The following PTPRD variants were observed in gnomAD, a reference collection of about 807,000 sequenced individuals.
PTPRD encodes the protein protein tyrosine phosphatase receptor type D.
In PTPRD, 34 loss-of-function variants were observed where a neutral mutation model predicts 214.5. The observed-to-expected ratio is 0.16, with a 90% confidence interval of 0.12 to 0.21. PTPRD has a LOEUF of 0.21. Among genes scored for constraint, PTPRD ranks in the 10% least tolerant of loss-of-function variants. The probability of loss-of-function intolerance (pLI) is 1.00; values close to 1 mark genes in which losing one functional copy is unlikely to be tolerated. For synonymous variants in PTPRD, 1,128 were observed against 845.7 expected, an observed-to-expected ratio of 1.33 and a Z score of -5.79; for missense variants, 2,545 against 2,398.7, an observed-to-expected ratio of 1.06 and a Z score of -1.27.
chr9:8,470,840 G>A (rs1487266554), intron 31 of PTPRD, among the ~76,000 whole-genome samples, 155 bp downstream of exon 31: 1 of 152,084 alleles, frequency 6.6e-6, no homozygotes, highest in African/African-American at 2.4e-5. Flanking sequence ...GGGATCCCCA[G>A]GGGTTAGCAT....
At chr9:9,299,799 G>A (rs1403484412) in intron 9 of PTPRD, among the ~76,000 whole-genome samples, 1 of 151,182 alleles carries the variant, frequency 6.6e-6, no homozygotes, top group Non-Finnish European at 1.5e-5. Flanking sequence ...TGTGGGATGA[G>A]GGAAAAGACA....
At chr9:10,310,309 T>C (rs578258246) in intron 3 of PTPRD, among the ~76,000 whole-genome samples, 2 of 152,034 alleles carry the variant, frequency 1.3e-5, no homozygotes, top group African/African-American at 2.4e-5. Context: ...AAAAGAAATA[T>C]CAAGGCAAAA....
At position 10,425,522 on chromosome 9, in the gene PTPRD, G is replaced by C. The variant is rs540458357; in HGVS notation, c.-599-84505C>G. 3.3e-5 allele frequency among the ~76,000 whole-genome samples: 5 copies of C among 151,992 alleles called. No homozygotes were observed. The East Asian group carries it at 5.8e-4, about 18-fold the overall frequency. On this transcript the variant is annotated intron_variant, in intron 2 of 45. Coordinates refer to ENST00000381196, the MANE Select transcript of PTPRD (RefSeq NM_002839.4). Reference sequence around the variant, plus strand: ...CACTGAGGTATGTCCTTATAGCATAGGCTCCCTTATAAAGGTTTTTACCCA... The same window carrying C: ...CACTGAGGTATGTCCTTATAGCATACGCTCCCTTATAAAGGTTTTTACCCA...
intron 7 of PTPRD, among the ~76,000 whole-genome samples, chr9:9,713,885 C>T (rs1211854809): frequency 1.3e-5 from 2 of 151,950 alleles, no homozygotes; most frequent in Non-Finnish European, 2.9e-5. Flanking sequence ...GGATGTCTTT[C>T]TCCAAACTTA....
chr9:9,231,973 C>G (rs898113863), intron 9 of PTPRD, among the ~76,000 whole-genome samples: 2 of 152,100 alleles, frequency 1.3e-5, no homozygotes, highest in African/African-American at 4.8e-5. Flanking sequence ...TACAATGGGA[C>G]TGTCCAAAGG....
At chr9:9,781,256 G>A (rs563797814) in intron 5 of PTPRD, among the ~76,000 whole-genome samples, 3 of 152,244 alleles carry the variant, frequency 2.0e-5, no homozygotes, top group South Asian at 2.1e-4. Flanking sequence ...TCAATAATGG[G>A]TTTAACTGAC....
At chr9:9,496,396 C>CA (rs1217822254) in intron 8 of PTPRD, among the ~76,000 whole-genome samples, 1 of 151,902 alleles carries the variant, frequency 6.6e-6, no homozygotes, top group Non-Finnish European at 1.5e-5. Flanking sequence ...AAACCCAAGT[C>CA]AAAAATGGCC....
intron 30 of PTPRD, 139 bp downstream of exon 30, chr9:8,483,980 G>A: frequency 2.7e-6 from 3 of 1,111,662 alleles, no homozygotes; most frequent in Non-Finnish European, 3.8e-6. Context: ...AACTCGGATA[G>A]CAAAACTGGG....
At chr9:10,567,625 G>C (rs781706785) in intron 2 of PTPRD, among the ~76,000 whole-genome samples, 1 of 151,788 alleles carries the variant, frequency 6.6e-6, no homozygotes, top group Non-Finnish European at 1.5e-5. Flanking sequence ...ATAGTCAAAT[G>C]GAATAAACTG....
intron 2 of PTPRD, among the ~76,000 whole-genome samples, chr9:10,510,754 A>G (rs1352943037): frequency 6.6e-6 from 1 of 152,100 alleles, no homozygotes; most frequent in African/African-American, 2.4e-5. Context: ...AATTTAGAGT[A>G]AATTATTGTT....
intron 14 of PTPRD, among the ~76,000 whole-genome samples, chr9:8,589,058 G>A (rs1166995389): frequency 1.3e-5 from 2 of 152,094 alleles, no homozygotes; most frequent in Non-Finnish European, 2.9e-5. Context: ...AAATAGGAAA[G>A]CTCTATAGAA....
chr9:9,461,282 A>G (rs549349897), intron 8 of PTPRD, among the ~76,000 whole-genome samples: 2 of 152,190 alleles, frequency 1.3e-5, no homozygotes, highest in East Asian at 3.9e-4. Context: ...ATTACACAAT[A>G]TACCCATGTA....
intron 5 of PTPRD, among the ~76,000 whole-genome samples, chr9:9,917,922 C>T (rs1489621514): frequency 6.6e-6 from 1 of 151,590 alleles, no homozygotes; most frequent in Non-Finnish European, 1.5e-5. Flanking sequence ...GAACATATCT[C>T]AGCATAATGG....
chr9:8,733,499 T>C (rs1316295542), intron 12 of PTPRD, among the ~76,000 whole-genome samples: 1 of 152,120 alleles, frequency 6.6e-6, no homozygotes, highest in Non-Finnish European at 1.5e-5. Flanking sequence ...CTTGGTCTCA[T>C]AATATCTTTG....
At chr9:8,528,153 T>C (rs546379161) in intron 15 of PTPRD, 1 of 345,416 alleles carries the variant, frequency 2.9e-6, no homozygotes. Flanking sequence ...ATTGAAACAT[T>C]TTAGGGTTTA....
At chr9:8,367,777 G>GT (rs2080333666) in intron 39 of PTPRD, among the ~76,000 whole-genome samples, 1 of 152,094 alleles carries the variant, frequency 6.6e-6, no homozygotes, top group Non-Finnish European at 1.5e-5. Context: ...TAACTGTGAG[G>GT]TAAAACAATA....
chr9:9,953,631 G>A (rs1360842415), intron 4 of PTPRD, among the ~76,000 whole-genome samples: 1 of 151,920 alleles, frequency 6.6e-6, no homozygotes, highest in Non-Finnish European at 1.5e-5. Context: ...ATTTGTACTG[G>A]AGCAAATTAA....
At chr9:9,136,173 T>C (rs756678453) in intron 10 of PTPRD, among the ~76,000 whole-genome samples, 2 of 152,128 alleles carry the variant, frequency 1.3e-5, no homozygotes, top group African/African-American at 2.4e-5. Flanking sequence ...TTCACTGTGG[T>C]AAGGAGTTTA....
chr9:10,503,881 C>A (rs914275713), intron 2 of PTPRD, among the ~76,000 whole-genome samples: 3 of 151,556 alleles, frequency 2.0e-5, no homozygotes, highest in Non-Finnish European at 2.9e-5. Flanking sequence ...CTTTGGGAGG[C>A]CGAGGTGGGC....
Sources: gnomAD v4.1 joint callset for allele counts (sites outside exome capture counted in the v4.1 genomes callset) on GRCh38, gnomAD v4.1.1 for gene constraint, MANE v1.5 for transcripts, NCBI Gene and HGNC (gene_info 2026-07-23, HGNC 2026-07-21) for gene names.